The following PEX5L variants were observed in gnomAD, a reference collection of about 807,000 sequenced individuals.
PEX5L encodes the protein PEX5-related protein.
A neutral mutation model predicts 84.0 loss-of-function variants in PEX5L; 30 were observed. The observed-to-expected ratio is 0.36, with a 90% CI of 0.27 to 0.48. The LOEUF (loss-of-function observed/expected upper bound fraction) is 0.48, where lower values mean the gene tolerates loss of function less well. Ranked by LOEUF, PEX5L falls within the 20% of genes least tolerant of loss-of-function variation. The pLI is 0.99. For synonymous variants in PEX5L, 270 were observed against 283.1 expected (o/e 0.95, Z 0.46); for missense variants, 533 against 754.6 (o/e 0.71, Z 3.44).
chr3:179,879,703 T>C (rs768871693), intron 5 of PEX5L, among the ~76,000 whole-genome samples: 44 of 152,200 alleles, frequency 2.9e-4, no homozygotes, highest in Non-Finnish European at 2.1e-4. Context: ...TATAACTCAA[T>C]ATTTGTGGGT....
chr3:179,981,584 A>C (rs1786336148), intron 1 of PEX5L, among the ~76,000 whole-genome samples: 1 of 151,872 alleles, frequency 6.6e-6, no homozygotes. Flanking sequence ...TCTGTAGTCA[A>C]GAATTAAATT....
intron 3 of PEX5L, among the ~76,000 whole-genome samples, chr3:179,894,322 G>A (rs575959598): frequency 1.0e-3 from 152 of 152,128 alleles, no homozygotes; most frequent in African/African-American, 3.4e-3. Flanking sequence ...CTCTGTGATC[G>A]TAACTCTGAT....
intron 2 of PEX5L, among the ~76,000 whole-genome samples, chr3:179,944,839 A>G (rs1777097498): frequency 3.3e-5 from 5 of 152,262 alleles, no homozygotes; most frequent in African/African-American, 1.2e-4. Flanking sequence ...ATACAGAAAC[A>G]GAAATCACTG....
intron 8 of PEX5L, among the ~76,000 whole-genome samples, chr3:179,828,476 G>T (rs1387305057): frequency 1.3e-5 from 2 of 152,102 alleles, no homozygotes; most frequent in Non-Finnish European, 2.9e-5. Context: ...GCCACAGTCA[G>T]CACCAGGTCC....
chr3:180,025,986 A>G (rs1790913558), intron 1 of PEX5L, among the ~76,000 whole-genome samples: 1 of 152,222 alleles, frequency 6.6e-6, no homozygotes, highest in South Asian at 2.1e-4. Flanking sequence ...AAGCAAAATC[A>G]TAGACACTAT....
At chr3:179,808,676 G>C (rs941917040) in intron 12 of PEX5L, among the ~76,000 whole-genome samples, 1 of 152,122 alleles carries the variant, frequency 6.6e-6, no homozygotes, top group African/African-American at 2.4e-5. Flanking sequence ...GTCTTCACGA[G>C]GCGAGTTCTG....
chr3:179,904,112 T>G (rs959582996), intron 2 of PEX5L, among the ~76,000 whole-genome samples: 4 of 152,226 alleles, frequency 2.6e-5, no homozygotes, highest in African/African-American at 9.6e-5. Flanking sequence ...AGAAAAGAAA[T>G]TGGTGCCTAT....
chr3:179,826,263 C>G (rs138735787), intron 8 of PEX5L, among the ~76,000 whole-genome samples: 10 of 152,240 alleles, frequency 6.6e-5, no homozygotes, highest in African/African-American at 2.4e-4. Flanking sequence ...TTCCTCCTTA[C>G]CCAGCAAGAG....
At chr3:179,924,810 A>G (rs923967239) in intron 2 of PEX5L, among the ~76,000 whole-genome samples, 1 of 152,230 alleles carries the variant, frequency 6.6e-6, no homozygotes, top group Non-Finnish European at 1.5e-5. Context: ...ATTAATTTTT[A>G]TATTTTAGGG....
rs149062230 is a variant in PEX5L, at chr3:179,805,447, T to A, written c.1676+2227A>T. 8.1e-3 allele frequency among the ~76,000 whole-genome samples: 1,237 copies of A among 152,300 alleles called. 20 individuals carry two copies. The highest frequency in any genetic ancestry group is 0.029 in the African/African-American group (1,198 of 41,554). On this transcript the variant is annotated intron_variant, in intron 14 of 14. Transcript: ENST00000467460. ...AATAGCATAATATTTGCATATAGCC[T>A]GCACACACCTCCCATATACTTTAAA...
intron 8 of PEX5L, among the ~76,000 whole-genome samples, chr3:179,836,485 A>C (rs77355932): frequency 0.027 from 4,044 of 152,212 alleles, 199 homozygotes; most frequent in African/African-American, 0.093. Flanking sequence ...AGGCCACCAA[A>C]ACTAAGTGAT....
At chr3:179,986,989 G>A (rs1009273212) in intron 1 of PEX5L, among the ~76,000 whole-genome samples, 4 of 152,126 alleles carry the variant, frequency 2.6e-5, no homozygotes, top group African/African-American at 9.7e-5. Context: ...TAAGTAAGAG[G>A]TCAGTCTCTG....
At position 179,880,132 on chromosome 3, in the gene PEX5L, A is replaced by G. The variant is rs746597947; in HGVS notation, c.311-9T>C. 6.4e-7 allele frequency: 1 copy of G among 1,571,080 alleles called. No homozygotes were observed. Among genetic ancestry groups the G allele is most frequent in the Admixed American group, 1.9e-5 (1 of 53,796 alleles). On this transcript the variant is annotated splice_polypyrimidine_tract_variant and intron_variant, in intron 4 of 14. Transcript: ENST00000467460. ...TAAGCCAGTGGTCAATACTACCAGAAATGGAAGAGGTTAAGATAAGCCCAT... is the reference window on the plus strand; with the variant it reads ...TAAGCCAGTGGTCAATACTACCAGAGATGGAAGAGGTTAAGATAAGCCCAT...
At chr3:179,888,131 C>A (rs529333805) in intron 3 of PEX5L, 5 of 1,291,076 alleles carry the variant, frequency 3.9e-6, no homozygotes, top group Non-Finnish European at 4.0e-6. Context: ...TGGACAAAAG[C>A]TCCTACTGAG....
intron 8 of PEX5L, among the ~76,000 whole-genome samples, chr3:179,852,694 C>T (rs1443189656): frequency 6.6e-6 from 1 of 152,194 alleles, no homozygotes; most frequent in Non-Finnish European, 1.5e-5. Context: ...CTGTACTCTA[C>T]TTTGTCCATA....
intron 2 of PEX5L, among the ~76,000 whole-genome samples, chr3:179,924,116 G>A (rs963088159): frequency 2.6e-5 from 4 of 152,186 alleles, no homozygotes; most frequent in Non-Finnish European, 4.4e-5. Context: ...TCTCAGACTA[G>A]GTTTTCAGGC....
chr3:179,939,750 T>C (rs1775553989), intron 2 of PEX5L, among the ~76,000 whole-genome samples: 1 of 152,166 alleles, frequency 6.6e-6, no homozygotes, highest in Admixed American at 6.5e-5. Flanking sequence ...AGCTGTGCAC[T>C]CAGGCCCCCC....
At chr3:179,953,319 T>C (rs892447601) in intron 2 of PEX5L, among the ~76,000 whole-genome samples, 3 of 152,130 alleles carry the variant, frequency 2.0e-5, no homozygotes, top group Admixed American at 2.0e-4. Context: ...ACAAGCAACC[T>C]ACAGAATGGG....
chr3:180,010,246 C>CTTTTTTTTTTTTTTTTTTTTTTTTTTTTT (rs1178375452), intron 1 of PEX5L, among the ~76,000 whole-genome samples: 7 of 105,180 alleles, frequency 6.7e-5, no homozygotes, highest in African/African-American at 1.3e-4. Flanking sequence ...CACCCGGCCT[C>CTTTTTTTTTTTTTTTTTTTTTTTTTTTTT]TTTTTTTTTT....
Sources: allele counts gnomAD v4.1 joint callset (sites outside exome capture counted in the v4.1 genomes callset), GRCh38; gene constraint gnomAD v4.1.1; transcripts MANE v1.5; gene names NCBI Gene and HGNC (gene_info 2026-07-23, HGNC 2026-07-21).